The following RPUSD4 variants were observed in gnomAD, a reference collection of about 807,000 sequenced individuals.
RPUSD4 encodes the protein pseudouridylate synthase RPUSD4, mitochondrial.
Under a neutral mutation model 35.4 loss-of-function variants are expected in RPUSD4, and 37 were observed. That is an observed-to-expected ratio of 1.04 (90% CI 0.80 to 1.37). RPUSD4 has a LOEUF of 1.37. Among genes scored for constraint, RPUSD4 ranks in the 40% most tolerant of loss-of-function variants. RPUSD4 has a pLI of 0.00. For missense variants in RPUSD4, 507 were observed against 484.9 expected (o/e 1.05, Z -0.43); for synonymous variants, 210 against 192.7 (o/e 1.09, Z -0.74).
intron 6 of RPUSD4, 106 bp downstream of exon 6, chr11:126,204,125 T>G: frequency 1.2e-6 from 1 of 828,894 alleles, no homozygotes; most frequent in Non-Finnish European, 2.0e-6. Context: ...GTATCATGTC[T>G]GAAGACAATC....
At chr11:126,210,811 C>T in intron 2 of RPUSD4, 79 bp downstream of exon 2, 1 of 1,429,276 alleles carries the variant, frequency 7.0e-7, no homozygotes, top group South Asian at 1.3e-5. Flanking sequence ...TAGAGTGCAC[C>T]ACAAGTAACG....
In RPUSD4 at chr11:126,211,437, C is replaced by T. The variant is rs1178121135; in HGVS notation, c.189+13G>A. The T allele has an allele frequency of 3.7e-6, 6 of 1,606,966 alleles. No individual in the cohort carries two copies. The African/African-American group carries it at 5.4e-5, about 14-fold the overall frequency. ...GCACTGCCTCTAGGGAGTTCTGGTC[C>T]CTTTGGACTCACCGGCTCCTTCTTT... On this transcript the variant is annotated intron_variant, in intron 1 of 6. Coordinates refer to ENST00000298317, the MANE Select transcript of RPUSD4 (RefSeq NM_032795.3).
chr11:126,205,383 C>T (rs561271495), intron 5 of RPUSD4, 85 bp downstream of exon 5: 1 of 1,539,456 alleles, frequency 6.5e-7, no homozygotes, highest in Non-Finnish European at 8.9e-7. Flanking sequence ...GTCAGCCACA[C>T]TACTAGCTGC....
At chr11:126,203,767 A>C (rs1949739820) in intron 6 of RPUSD4, 110 bp from the exon 7 acceptor site, 5 of 1,364,598 alleles carry the variant, frequency 3.7e-6, no homozygotes, top group Non-Finnish European at 4.9e-6. Context: ...AACCCCCTGG[A>C]AGACACAGTA....
Position 126,202,217 on chromosome 11 carries a change from C to G in RPUSD4, c.*1201G>C, listed in dbSNP as rs1016418772. On this transcript the variant is annotated 3_prime_UTR_variant, in exon 7 of 7. Coordinates refer to ENST00000298317, the MANE Select transcript of RPUSD4 (RefSeq NM_032795.3). Reference sequence around the variant, plus strand: ...TAAAGACTGTCCCGGGGTGTACCCCCCTAACTGTGCTGTCACTCCAACTCT... The same window carrying G: ...TAAAGACTGTCCCGGGGTGTACCCCGCTAACTGTGCTGTCACTCCAACTCT... The G allele has an allele frequency of 6.6e-6, 1 of 152,192 alleles. No homozygotes were observed. The highest frequency in any genetic ancestry group is 1.5e-5 in the Non-Finnish European group (1 of 68,040). The allele number at this position is 152,192 out of a possible 1,614,324, so 9.4% of individuals were successfully genotyped here.
At position 126,203,343 on chromosome 11, in the gene RPUSD4, A is replaced by T. The variant is rs1243874078; in HGVS notation, c.*75T>A. The T allele has an allele frequency of 6.4e-7, 1 of 1,574,658 alleles. No homozygotes were observed. Among genetic ancestry groups the T allele is most frequent in the African/African-American group, 1.3e-5 (1 of 74,442 alleles). The stretch of plus-strand genomic sequence containing the variant: ...TAAACAAAGAACAGTTCAGGGGCCA[A>T]CCTGCGCTCCCAGGTGCCAGGATGC... On this transcript the variant is annotated 3_prime_UTR_variant, in exon 7 of 7. Coordinates refer to ENST00000298317, the MANE Select transcript of RPUSD4 (RefSeq NM_032795.3).
At chr11:126,210,824 TCA>T (rs1209337681) in intron 2 of RPUSD4, 64 bp downstream of exon 2, 7 of 1,496,572 alleles carry the variant, frequency 4.7e-6, no homozygotes, top group Non-Finnish European at 6.4e-6. Flanking sequence ...AAGTAACGTC[TCA>T]GTTTTCCTCG....
chr11:126,209,496 C>T (rs1472078924), intron 3 of RPUSD4, 25 bp downstream of exon 3: 1 of 1,597,338 alleles, frequency 6.3e-7, no homozygotes, highest in Non-Finnish European at 8.6e-7. Flanking sequence ...TATACCACCT[C>T]TACTGCCATC....
At chr11:126,211,392 C>G in intron 1 of RPUSD4, 58 bp downstream of exon 1, 1 of 1,523,832 alleles carries the variant, frequency 6.6e-7, no homozygotes, top group Non-Finnish European at 8.8e-7. Flanking sequence ...ACCTACTCCC[C>G]GTCTGGGAAA....
At chr11:126,209,324 T>C (rs2135103615) in intron 3 of RPUSD4, 197 bp downstream of exon 3, 1 of 557,296 alleles carries the variant, frequency 1.8e-6, no homozygotes, top group Non-Finnish European at 3.2e-6. Context: ...ATAATTTTGA[T>C]GTATACCAGA....
chr11:126,209,998 G>A (rs968231058), intron 2 of RPUSD4, among the ~76,000 whole-genome samples: 4 of 152,174 alleles, frequency 2.6e-5, no homozygotes, highest in Non-Finnish European at 4.4e-5. Context: ...CCATTCTAGA[G>A]CATGTGGCTT....
chr11:126,207,934 C>A (rs1949790438), intron 3 of RPUSD4, among the ~76,000 whole-genome samples: 1 of 151,782 alleles, frequency 6.6e-6, no homozygotes, highest in South Asian at 2.1e-4. Context: ...CAGTCTGTTC[C>A]CAAAAGGGAA....
At chr11:126,208,291 G>A (rs748246861) in intron 3 of RPUSD4, among the ~76,000 whole-genome samples, 14 of 152,006 alleles carry the variant, frequency 9.2e-5, no homozygotes, top group East Asian at 3.9e-4. Context: ...TCCATACAGC[G>A]GTATTTCACA....
In RPUSD4 at chr11:126,204,157, T is replaced by A. The variant is rs542908880; in HGVS notation, c.894+74A>T. The A allele has an allele frequency of 5.0e-6, 5 of 1,008,966 alleles. No homozygotes were observed. The East Asian group carries it at 1.2e-4, about 24-fold the overall frequency. The allele number at this position is 1,008,966 out of a possible 1,614,324, so 62.5% of individuals were successfully genotyped here. On this transcript the variant is annotated intron_variant, in intron 6 of 6. Transcript: ENST00000298317. ...AATCAGTAGGCTTTGTTGTAACTCA[T>A]TTCAGAGTTTTAAGAAAAGGAACGC...
At position 126,205,570 on chromosome 11, in the gene RPUSD4, C is replaced by T. The variant is rs369015729; in HGVS notation, c.694G>A (p.Val232Met). The T allele has an allele frequency of 1.1e-4, 183 of 1,614,170 alleles. No homozygotes were observed. Among genetic ancestry groups the T allele is most frequent in the Non-Finnish European group, 1.5e-4 (173 of 1,180,060 alleles). ...GCATTCCGGCTGCGCCGCACTTTCA[C>T]CATTTTCCCATCGTCCATGCGGTAG... ...PSYRMDDGKM[V>M]KVRRSRNAQV... Residue 232 changes from valine (V) to methionine (M), a missense_variant, in exon 5 of 7, where the codon GTG becomes ATG. Val to Met is a conservative substitution (Grantham distance 21, BLOSUM62 1). Transcript: ENST00000298317.
intron 2 of RPUSD4, 52 bp from the exon 3 acceptor site, chr11:126,209,774 A>G (rs926655300): frequency 6.7e-7 from 1 of 1,487,504 alleles, no homozygotes; most frequent in Non-Finnish European, 9.3e-7. Context: ...ATCTCGCCAA[A>G]GAACTCTCCT....
At chr11:126,208,605 G>A (rs1161693648) in intron 3 of RPUSD4, 1 of 152,224 alleles carries the variant, frequency 6.6e-6, no homozygotes, top group Admixed American at 6.5e-5. Flanking sequence ...AAGACATAGA[G>A]GTGAGCAGAG....
At chr11:126,211,219 T>G (rs774263894) in intron 1 of RPUSD4, 164 bp from the exon 2 acceptor site, 2 of 955,684 alleles carry the variant, frequency 2.1e-6, no homozygotes, top group Non-Finnish European at 3.1e-6. Flanking sequence ...CTGTCTAACC[T>G]GCGTACCGAC....
rs140182106 is a variant in RPUSD4, at chr11:126,204,106, AT to A, written c.894+124del. ...CCTAAATTTCTCTAAAATCAAGATA[AT>A]GAGCTTGGTATCATGTCTGAAGACA... On this transcript the variant is annotated intron_variant, in intron 6 of 6. Coordinates refer to ENST00000298317, the MANE Select transcript of RPUSD4 (RefSeq NM_032795.3). The A allele has an allele frequency of 2.6e-3, 1,939 of 751,506 alleles. 15 individuals carry two copies. Among genetic ancestry groups the A allele is most frequent in the African/African-American group, 0.025 (1,408 of 56,714 alleles). The allele number at this position is 751,506 out of a possible 1,614,324, so 46.6% of individuals were successfully genotyped here.
Sources: allele counts gnomAD v4.1 joint callset (sites outside exome capture counted in the v4.1 genomes callset), GRCh38; gene constraint gnomAD v4.1.1; transcripts MANE v1.5; gene names NCBI Gene and HGNC (gene_info 2026-07-23, HGNC 2026-07-21).